The following ASTN1 variants were observed in gnomAD, a reference collection of about 807,000 sequenced individuals.
The protein encoded by ASTN1 is astrotactin 1, also known as astrotactin-1.
In ASTN1, 41 loss-of-function variants were observed where a neutral mutation model predicts 140.7. The observed-to-expected ratio is 0.29, with a 90% confidence interval of 0.23 to 0.38. ASTN1 has a LOEUF of 0.38. Ranked by LOEUF, ASTN1 falls within the 10% of genes least tolerant of loss-of-function variation. The pLI, the probability that ASTN1 is intolerant of heterozygous loss-of-function variation, is 1.00. For missense variants in ASTN1, 1,479 were observed against 1,678.8 expected (o/e 0.88, Z 2.08); for synonymous variants, 640 against 652.2 (o/e 0.98, Z 0.29).
At chr1:176,895,076 T>C (rs1295013231) in intron 16 of ASTN1, among the ~76,000 whole-genome samples, 1 of 152,190 alleles carries the variant, frequency 6.6e-6, no homozygotes, top group East Asian at 1.9e-4. Context: ...TCAGCTCCAC[T>C]GAATCTCTAG....
At chr1:176,875,445 T>G (rs1326221909) in intron 21 of ASTN1, among the ~76,000 whole-genome samples, 2 of 152,218 alleles carry the variant, frequency 1.3e-5, no homozygotes, top group Non-Finnish European at 2.9e-5. Context: ...GGTGTCTGTG[T>G]TGGAAATAAC....
chr1:177,004,229 A>C lies in ASTN1; in HGVS notation c.1523+10562T>G, dbSNP rs1298813255. Among the ~76,000 whole-genome samples, 3 of 140,850 alleles carry C rather than the reference A, an allele frequency of 2.1e-5. 1 individual carries two copies. The highest frequency in any genetic ancestry group is 4.4e-4 in the South Asian group (2 of 4,496). 92.4% of individuals were successfully genotyped at this position (140,850 alleles called of 152,430 possible). Reference sequence around the variant, plus strand: ...ACTCAATCTCTTTTACAATAGCGACAAAAAAAAAATACCTAGGAAAATACT... The same window carrying C: ...ACTCAATCTCTTTTACAATAGCGACCAAAAAAAAATACCTAGGAAAATACT... On this transcript the variant is annotated intron_variant, in intron 8 of 22. Coordinates refer to ENST00000361833, the MANE Select transcript of ASTN1 (RefSeq NM_004319.3).
At chr1:176,943,700 A>G (rs1671834703) in intron 14 of ASTN1, among the ~76,000 whole-genome samples, 191 bp downstream of exon 14, 1 of 152,242 alleles carries the variant, frequency 6.6e-6, no homozygotes, top group African/African-American at 2.4e-5. Flanking sequence ...GAAGGAGATT[A>G]TATGATAATA....
chr1:176,906,667 G>A (rs1023556897), intron 16 of ASTN1, among the ~76,000 whole-genome samples: 20 of 151,728 alleles, frequency 1.3e-4, no homozygotes, highest in African/African-American at 2.9e-4. Flanking sequence ...CAGCCTGGCC[G>A]ACAAGGTAAA....
chr1:177,000,681 C>T (rs1674683869), intron 8 of ASTN1, among the ~76,000 whole-genome samples: 2 of 152,194 alleles, frequency 1.3e-5, no homozygotes, highest in African/African-American at 4.8e-5. Context: ...TTCTTTATTG[C>T]TCCAAAGGAC....
chr1:177,143,797 A>G (rs1179796814), intron 1 of ASTN1, among the ~76,000 whole-genome samples: 1 of 152,126 alleles, frequency 6.6e-6, no homozygotes, highest in Non-Finnish European at 1.5e-5. Context: ...ATAGTTTTAA[A>G]ACGATACCTC....
At chr1:176,881,241 C>T (rs1668786601) in intron 20 of ASTN1, among the ~76,000 whole-genome samples, 1 of 152,132 alleles carries the variant, frequency 6.6e-6, no homozygotes, top group Non-Finnish European at 1.5e-5. Flanking sequence ...TCTCAATAAA[C>T]AGCATTCACA....
intron 10 of ASTN1, 100 bp from the exon 11 acceptor site, chr1:176,957,928 G>T (rs941297611): frequency 1.5e-6 from 2 of 1,341,712 alleles, no homozygotes; most frequent in South Asian, 1.5e-5. Context: ...ACTGAATTGT[G>T]TCTCACTCTG....
At chr1:176,958,623 G>T in intron 9 of ASTN1, 141 bp from the exon 10 acceptor site, 2 of 1,216,886 alleles carry the variant, frequency 1.6e-6, no homozygotes, top group South Asian at 1.8e-5. Context: ...TGGGTGCAAT[G>T]ACTAAGTTCT....
chr1:176,929,589 G>C (rs567726518), intron 16 of ASTN1, among the ~76,000 whole-genome samples: 49 of 152,318 alleles, frequency 3.2e-4, no homozygotes, highest in African/African-American at 1.1e-3. Flanking sequence ...CCAAGTGTGT[G>C]GTAATTTGTT....
intron 1 of ASTN1, among the ~76,000 whole-genome samples, chr1:177,138,749 G>T (rs1682318017): frequency 6.6e-6 from 1 of 152,222 alleles, no homozygotes; most frequent in Non-Finnish European, 1.5e-5. Context: ...AGGAAAGAGT[G>T]CTTGGGTGCT....
intron 16 of ASTN1, among the ~76,000 whole-genome samples, chr1:176,906,486 T>C (rs948993516): frequency 6.6e-6 from 1 of 151,736 alleles, no homozygotes; most frequent in Non-Finnish European, 1.5e-5. Context: ...GACAGAAGAG[T>C]AGACAATGAT....
At chr1:176,879,423 G>A (rs1029388900) in intron 20 of ASTN1, among the ~76,000 whole-genome samples, 3 of 152,184 alleles carry the variant, frequency 2.0e-5, no homozygotes, top group Non-Finnish European at 2.9e-5. Context: ...GCCCTAGACC[G>A]TCTATGGCTG....
chr1:177,017,053 A>G (rs1292982842), intron 7 of ASTN1, among the ~76,000 whole-genome samples: 1 of 152,234 alleles, frequency 6.6e-6, no homozygotes, highest in Non-Finnish European at 1.5e-5. Context: ...TCTAGTTACC[A>G]CAAAACATAT....
intron 1 of ASTN1, among the ~76,000 whole-genome samples, chr1:177,164,140 A>C (rs548375916): frequency 6.6e-6 from 1 of 152,254 alleles, no homozygotes; most frequent in South Asian, 2.1e-4. Flanking sequence ...AGAGAGACTC[A>C]TGCAACCTGT....
chr1:176,937,568 C>T (rs763831378), intron 14 of ASTN1, among the ~76,000 whole-genome samples: 2 of 151,890 alleles, frequency 1.3e-5, no homozygotes, highest in Non-Finnish European at 2.9e-5. Context: ...TAAATGCTAC[C>T]GAAACAAAAT....
chr1:177,093,740 A>G (rs1324130315), intron 1 of ASTN1, among the ~76,000 whole-genome samples: 1 of 152,200 alleles, frequency 6.6e-6, no homozygotes, highest in Non-Finnish European at 1.5e-5. Context: ...TTTCATCAAA[A>G]CACAAAAGAA....
At chr1:177,054,341 G>C (rs1677690402) in intron 2 of ASTN1, among the ~76,000 whole-genome samples, 1 of 152,194 alleles carries the variant, frequency 6.6e-6, no homozygotes, top group Non-Finnish European at 1.5e-5. Flanking sequence ...TTTTGATGAT[G>C]ATGATGACAA....
chr1:176,857,656 G>A, downstream of ASTN1: 1 of 608,902 alleles, frequency 1.6e-6, no homozygotes, highest in South Asian at 2.1e-5. Flanking sequence ...GAAGCCTGTT[G>A]ACAAAGGAGT....
Sources: gnomAD v4.1 joint callset for allele counts (sites outside exome capture counted in the v4.1 genomes callset) on GRCh38, gnomAD v4.1.1 for gene constraint, MANE v1.5 for transcripts, NCBI Gene and HGNC (gene_info 2026-07-23, HGNC 2026-07-21) for gene names.